Variants in DPP10 observed in about 807,000 individuals in gnomAD.
The protein encoded by DPP10 is dipeptidyl peptidase like 10.
A neutral mutation model predicts 120.9 loss-of-function variants in DPP10; 33 were observed. The observed-to-expected ratio is 0.27, with a 90% confidence interval of 0.21 to 0.37. The LOEUF is 0.37. Ranked by LOEUF, DPP10 falls within the 10% of genes least tolerant of loss-of-function variation. The pLI is 1.00. For synonymous variants in DPP10, 337 were observed against 326.1 expected (o/e 1.03, Z -0.36); for missense variants, 816 against 942.8 (o/e 0.87, Z 1.76).
intron 17 of DPP10, among the ~76,000 whole-genome samples, chr2:115,790,424 A>C (rs565128535): frequency 6.6e-6 from 1 of 152,290 alleles, no homozygotes; most frequent in Admixed American, 6.5e-5. Context: ...ATAGATCTAT[A>C]AATTTAATAC....
Position 115,309,229 on chromosome 2 carries a change from A to T in DPP10, c.61-10A>T. On this transcript the variant is annotated splice_polypyrimidine_tract_variant and intron_variant, in intron 1 of 25. Transcript: ENST00000410059. Reference sequence around the variant, plus strand: ...GAATAATTACAAAACTTTTTTTTCTATCTCGGTAGGAACTGGGAAGTAACA... The same window carrying T: ...GAATAATTACAAAACTTTTTTTTCTTTCTCGGTAGGAACTGGGAAGTAACA... The T allele has an allele frequency of 1.2e-6, 2 of 1,606,040 alleles. No homozygotes were observed. Among genetic ancestry groups the T allele is most frequent in the South Asian group, 1.1e-5 (1 of 90,376 alleles).
At chr2:115,563,408 C>G (rs755768206) in intron 5 of DPP10, among the ~76,000 whole-genome samples, 16 of 151,806 alleles carry the variant, frequency 1.1e-4, no homozygotes, top group Non-Finnish European at 2.1e-4. Flanking sequence ...TTTTCTGATC[C>G]GAAAAGAGCA....
At chr2:115,367,384 G>A (rs1448909693) in intron 3 of DPP10, among the ~76,000 whole-genome samples, 1 of 151,746 alleles carries the variant, frequency 6.6e-6, no homozygotes, top group Non-Finnish European at 1.5e-5. Context: ...AAAGGTTGAC[G>A]GTTCTAGTTT....
At chr2:115,347,083 G>A (rs1024772806) in intron 3 of DPP10, among the ~76,000 whole-genome samples, 5 of 152,246 alleles carry the variant, frequency 3.3e-5, no homozygotes, top group African/African-American at 1.2e-4. Context: ...AAAGAGAAAA[G>A]CATAACAAAT....
At chr2:115,819,241 A>G (rs1575883247) in intron 21 of DPP10, among the ~76,000 whole-genome samples, 1 of 152,228 alleles carries the variant, frequency 6.6e-6, no homozygotes, top group Admixed American at 6.5e-5. Context: ...ATAGAAGACT[A>G]TTAAGATTTT....
chr2:114,708,310 C>A (rs957221584), intron 1 of DPP10, among the ~76,000 whole-genome samples: 3 of 152,144 alleles, frequency 2.0e-5, no homozygotes, highest in Non-Finnish European at 2.9e-5. Flanking sequence ...TTGCTGAGCA[C>A]AAGCATTGCA....
chr2:114,524,490 A>G (rs1369005675), intron 1 of DPP10, among the ~76,000 whole-genome samples: 1 of 152,198 alleles, frequency 6.6e-6, no homozygotes, highest in Non-Finnish European at 1.5e-5. Flanking sequence ...ATCACACCCA[A>G]AATATTAGTC....
intron 5 of DPP10, among the ~76,000 whole-genome samples, chr2:115,683,579 C>CTG (rs1319850463): frequency 2.0e-5 from 3 of 151,468 alleles, no homozygotes; most frequent in Non-Finnish European, 4.4e-5. Flanking sequence ...AGTGGAGAGG[C>CTG]TGTGTGTGTG....
intron 5 of DPP10, among the ~76,000 whole-genome samples, chr2:115,620,720 T>G (rs540753376): frequency 3.3e-5 from 5 of 152,364 alleles, no homozygotes; most frequent in African/African-American, 9.6e-5. Flanking sequence ...TCTATGATCA[T>G]GGACATTTGC....
At chr2:114,977,672 T>A (rs1379829279) in intron 1 of DPP10, among the ~76,000 whole-genome samples, 1 of 152,238 alleles carries the variant, frequency 6.6e-6, no homozygotes. Flanking sequence ...AAGTCCTACA[T>A]TGCTGTGTAA....
chr2:114,691,885 A>G (rs1699773272), intron 1 of DPP10, among the ~76,000 whole-genome samples: 1 of 152,010 alleles, frequency 6.6e-6, no homozygotes, highest in Admixed American at 6.6e-5. Flanking sequence ...TGTTTATAGT[A>G]TTCTCTGATG....
At chr2:114,835,548 T>C (rs1377992755) in intron 1 of DPP10, 1 of 152,224 alleles carries the variant, frequency 6.6e-6, no homozygotes, top group East Asian at 1.9e-4. Flanking sequence ...CTTTGCTTAG[T>C]TCCTGCCAGT....
intron 1 of DPP10, among the ~76,000 whole-genome samples, chr2:114,722,858 G>A (rs908085888): frequency 6.6e-6 from 1 of 151,388 alleles, no homozygotes; most frequent in Admixed American, 6.6e-5. Context: ...AGGTATGGTG[G>A]TGTGTTGGTC....
At chr2:114,539,252 A>G (rs941199248) in intron 1 of DPP10, among the ~76,000 whole-genome samples, 2 of 149,672 alleles carry the variant, frequency 1.3e-5, no homozygotes, top group African/African-American at 2.4e-5. Flanking sequence ...TATATTATAA[A>G]CACATAATTA....
At chr2:115,514,719 A>G (rs949049929) in intron 4 of DPP10, among the ~76,000 whole-genome samples, 1 of 151,868 alleles carries the variant, frequency 6.6e-6, no homozygotes, top group Non-Finnish European at 1.5e-5. Flanking sequence ...AATGAAACCA[A>G]CAGCTACTAC....
In DPP10 at chr2:114,451,727, C is replaced by T. The variant is rs574326106; in HGVS notation, c.60+8889C>T. On this transcript the variant is annotated intron_variant, in intron 1 of 25. Coordinates refer to ENST00000410059, the MANE Select transcript of DPP10 (RefSeq NM_020868.6). The stretch of plus-strand genomic sequence containing the variant: ...TTTTCAGGATTTGGCTGTACTCTGA[C>T]GGCAAAGCTTAAATGCAATACAGCA... Among the ~76,000 whole-genome samples, 13 of 152,018 alleles carry T rather than the reference C, an allele frequency of 8.6e-5. 1 individual carries two copies. Among genetic ancestry groups the T allele is most frequent in the Admixed American group, 4.6e-4 (7 of 15,254 alleles).
intron 5 of DPP10, among the ~76,000 whole-genome samples, chr2:115,533,537 G>A (rs752573661): frequency 6.6e-6 from 1 of 152,070 alleles, no homozygotes; most frequent in Non-Finnish European, 1.5e-5. Context: ...ACTGCTTTAA[G>A]AAGTAACTCT....
chr2:115,210,465 G>A (rs773039115), intron 1 of DPP10, among the ~76,000 whole-genome samples: 4 of 152,074 alleles, frequency 2.6e-5, no homozygotes, highest in Non-Finnish European at 4.4e-5. Context: ...ATTGTGAATA[G>A]TGCCGCAATA....
chr2:115,020,106 A>T (rs962894035), intron 1 of DPP10, among the ~76,000 whole-genome samples: 4 of 152,152 alleles, frequency 2.6e-5, no homozygotes, highest in Admixed American at 1.3e-4. Flanking sequence ...TAGAAAAAAA[A>T]CCCAAGTTAT....
Sources: allele counts gnomAD v4.1 joint callset (sites outside exome capture counted in the v4.1 genomes callset), GRCh38; gene constraint gnomAD v4.1.1; transcripts MANE v1.5; gene names NCBI Gene and HGNC (gene_info 2026-07-23, HGNC 2026-07-21).